Variants in WDPCP observed in about 807,000 individuals in gnomAD.
The protein encoded by WDPCP is WD repeat containing planar cell polarity effector, also known as WD repeat-containing and planar cell polarity effector protein fritz homolog.
A neutral mutation model predicts 93.1 loss-of-function variants in WDPCP; 71 were observed. The observed-to-expected ratio is 0.76, with a 90% CI of 0.63 to 0.93. The LOEUF (loss-of-function observed/expected upper bound fraction) is 0.93. WDPCP is among the 40% of genes least tolerant of loss of function. The pLI is 0.00. For missense variants in WDPCP, 844 were observed against 887.4 expected (o/e 0.95, Z 0.62); for synonymous variants, 315 against 315.0 (o/e 1.00, Z 0.00).
chr2:63,772,693 A>G (rs1670247340), intron 2 of WDPCP, among the ~76,000 whole-genome samples: 1 of 152,076 alleles, frequency 6.6e-6, no homozygotes, highest in Non-Finnish European at 1.5e-5. Context: ...AACTATATCA[A>G]TTCAGTAGAT....
At chr2:63,803,789 C>G (rs999603007) in intron 2 of WDPCP, among the ~76,000 whole-genome samples, 1 of 152,138 alleles carries the variant, frequency 6.6e-6, no homozygotes, top group African/African-American at 2.4e-5. Flanking sequence ...CCTCAGTGTT[C>G]TACTACATGT....
chr2:63,808,314 TCCCTCTC>T (rs775542137), intron 2 of WDPCP, among the ~76,000 whole-genome samples: 24,623 of 120,792 alleles, frequency 0.2, 2,731 homozygotes, highest in Middle Eastern at 0.33. Context: ...CTCTCCCCTC[TCCCTCTC>T]CCCTCTCCCC....
chr2:63,221,943 A>G (rs2104487702), intron 14 of WDPCP, among the ~76,000 whole-genome samples: 1 of 152,276 alleles, frequency 6.6e-6, no homozygotes, highest in Middle Eastern at 3.4e-3. Flanking sequence ...ACATTTAAAT[A>G]TCTTTGAGGA....
At chr2:63,558,065 CA>C (rs1706267590) in intron 1 of WDPCP, among the ~76,000 whole-genome samples, 1 of 151,792 alleles carries the variant, frequency 6.6e-6, no homozygotes, top group Non-Finnish European at 1.5e-5. Flanking sequence ...AAATCAACAC[CA>C]TAACATCACA....
At chr2:63,261,507 T>C (rs1681628639) in intron 13 of WDPCP, among the ~76,000 whole-genome samples, 1 of 152,156 alleles carries the variant, frequency 6.6e-6, no homozygotes, top group Non-Finnish European at 1.5e-5. Context: ...AAAGACATTT[T>C]CAAAGGTGAA....
chr2:63,174,278 C>T (rs1673629697), intron 15 of WDPCP, among the ~76,000 whole-genome samples: 2 of 152,036 alleles, frequency 1.3e-5, no homozygotes, highest in African/African-American at 4.8e-5. Flanking sequence ...TTTAAACTAT[C>T]ATTTATCAGA....
intron 2 of WDPCP, among the ~76,000 whole-genome samples, chr2:63,690,032 C>A (rs114083370): frequency 3.2e-4 from 49 of 152,112 alleles, no homozygotes; most frequent in African/African-American, 1.2e-3. Flanking sequence ...TGGTGGATAC[C>A]CCTGAATGAG....
chr2:63,527,554 C>T (rs947733751), intron 1 of WDPCP, among the ~76,000 whole-genome samples: 2 of 151,890 alleles, frequency 1.3e-5, no homozygotes, highest in Non-Finnish European at 2.9e-5. Context: ...TGACCTCATC[C>T]TTTTTTATGG....
chr2:63,506,184 G>T (rs1314164231), intron 1 of WDPCP, among the ~76,000 whole-genome samples: 1 of 152,006 alleles, frequency 6.6e-6, no homozygotes, highest in African/African-American at 2.4e-5. Context: ...TAATCAAGGT[G>T]TACATTTAAT....
chr2:63,598,622 A>AT (rs1339004403), intron 3 of WDPCP, among the ~76,000 whole-genome samples: 1 of 152,156 alleles, frequency 6.6e-6, no homozygotes, highest in Non-Finnish European at 1.5e-5. Flanking sequence ...AGATATCTGC[A>AT]TTTTTTGCTT....
Position 63,121,695 on chromosome 2 carries a change from G to T in WDPCP, c.*311C>A. The T allele has an allele frequency of 2.2e-6, 1 of 453,220 alleles. No homozygotes were observed. Among genetic ancestry groups the T allele is most frequent in the Non-Finnish European group, 3.4e-6 (1 of 293,360 alleles). The allele number at this position is 453,220 out of a possible 1,614,324, so 28.1% of individuals were successfully genotyped here. On this transcript the variant is annotated 3_prime_UTR_variant, in exon 18 of 18. Transcript: ENST00000272321. ...CTACTGCCCCTTTTTTAAAGTACCT[G>T]GGAGAACAAAGTTTAAATATTCTAT...
chr2:63,321,515 CG>C lies in WDPCP; in HGVS notation c.1749-8205del, dbSNP rs948184341. Among the ~76,000 whole-genome samples, 17 of 152,000 alleles carry C rather than the reference CG, an allele frequency of 1.1e-4. 1 individual carries two copies. Among genetic ancestry groups the C allele is most frequent in the African/African-American group, 4.1e-4 (17 of 41,490 alleles). The stretch of plus-strand genomic sequence containing the variant: ...GGCCCATCTTAGACTGAAAATGTTA[CG>C]TGCAAATTAACTACTGGTTTGCTTT... On this transcript the variant is annotated intron_variant, in intron 12 of 17. Coordinates refer to ENST00000272321, the MANE Select transcript of WDPCP (RefSeq NM_015910.7).
intron 2 of WDPCP, among the ~76,000 whole-genome samples, chr2:63,755,464 C>T (rs1669953033): frequency 6.6e-6 from 1 of 152,094 alleles, no homozygotes; most frequent in Non-Finnish European, 1.5e-5. Flanking sequence ...TATTTAAATG[C>T]ACATCTGGCA....
intron 14 of WDPCP, among the ~76,000 whole-genome samples, chr2:63,231,580 A>G (rs1678891017): frequency 6.6e-6 from 1 of 152,330 alleles, no homozygotes; most frequent in South Asian, 2.1e-4. Context: ...GTCATTCACA[A>G]TTGCTTCAAA....
chr2:63,588,195 A>G lies in WDPCP; in HGVS notation c.75+2T>C. Reference sequence around the variant, plus strand: ...ACCCCTTGCCCTCGGGCCAGGGCTCACCTGTCTCGGGAGTGGGGAAGAAGC... The same window carrying G: ...ACCCCTTGCCCTCGGGCCAGGGCTCGCCTGTCTCGGGAGTGGGGAAGAAGC... On this transcript the variant is annotated splice_donor_variant, in intron 1 of 17. Transcript: ENST00000272321. LOFTEE classifies it high-confidence loss of function. The G allele has an allele frequency of 6.4e-7, 1 of 1,565,180 alleles. No individual in the cohort carries two copies. The highest frequency in any genetic ancestry group is 8.7e-7 in the Non-Finnish European group (1 of 1,152,868).
intron 1 of WDPCP, among the ~76,000 whole-genome samples, chr2:63,540,251 G>T (rs1462465265): frequency 6.6e-6 from 1 of 151,972 alleles, no homozygotes; most frequent in Non-Finnish European, 1.5e-5. Context: ...TTATTACTAG[G>T]TTATTTAAAC....
At chr2:63,256,930 A>G (rs1200668324) in intron 14 of WDPCP, among the ~76,000 whole-genome samples, 1 of 152,144 alleles carries the variant, frequency 6.6e-6, no homozygotes, top group East Asian at 1.9e-4. Context: ...AGCATCTTGA[A>G]GTGGGTATAG....
At chr2:63,730,249 G>C (rs1315376573) in intron 2 of WDPCP, among the ~76,000 whole-genome samples, 3 of 151,342 alleles carry the variant, frequency 2.0e-5, no homozygotes, top group Admixed American at 6.6e-5. Flanking sequence ...CAAAGTGACT[G>C]ACCCAAGATC....
intron 10 of WDPCP, among the ~76,000 whole-genome samples, chr2:63,391,104 C>T (rs1202897301): frequency 6.6e-6 from 1 of 152,158 alleles, no homozygotes; most frequent in Non-Finnish European, 1.5e-5. Context: ...GAATTTTAGA[C>T]CAATATCCCT....
Sources: gnomAD v4.1 joint callset for allele counts (sites outside exome capture counted in the v4.1 genomes callset) on GRCh38, gnomAD v4.1.1 for gene constraint, MANE v1.5 for transcripts, NCBI Gene and HGNC (gene_info 2026-07-23, HGNC 2026-07-21) for gene names.